SCAI: variants seen among roughly 807,000 people sequenced by gnomAD.
The protein encoded by SCAI is protein SCAI.
In SCAI, 24 loss-of-function variants were observed where a neutral mutation model predicts 92.2. The observed-to-expected ratio is 0.26, with a 90% CI of 0.19 to 0.37. The LOEUF is 0.37. Ranked by LOEUF, SCAI falls within the 10% of genes least tolerant of loss-of-function variation. The pLI, the probability that SCAI is intolerant of heterozygous loss-of-function variation, is 1.00. For missense variants in SCAI, 450 were observed against 736.2 expected (o/e 0.61, Z 4.50); for synonymous variants, 261 against 258.6 (o/e 1.01, Z -0.09).
intron 2 of SCAI, among the ~76,000 whole-genome samples, chr9:125,125,785 C>T (rs1293705527): frequency 1.3e-5 from 2 of 148,376 alleles, no homozygotes; most frequent in African/African-American, 5.0e-5. Flanking sequence ...GAGCCAAGAT[C>T]ACGCCACTAC....
chr9:125,042,187 C>G (rs1236726174), intron 3 of SCAI, among the ~76,000 whole-genome samples: 5 of 152,136 alleles, frequency 3.3e-5, no homozygotes, highest in Non-Finnish European at 5.9e-5. Flanking sequence ...TAATCATATT[C>G]TTTTTTCCAA....
chr9:125,061,934 A>C (rs1833775639), intron 2 of SCAI, among the ~76,000 whole-genome samples: 1 of 152,166 alleles, frequency 6.6e-6, no homozygotes, highest in African/African-American at 2.4e-5. Flanking sequence ...TGCATGGGTA[A>C]ATATAAGCAA....
At chr9:125,141,381 G>A (rs1835662500) in intron 2 of SCAI, among the ~76,000 whole-genome samples, 1 of 152,166 alleles carries the variant, frequency 6.6e-6, no homozygotes, top group South Asian at 2.1e-4. Flanking sequence ...AGTCCTACTG[G>A]TCACATAACT....
rs527454917 is a variant in SCAI, at chr9:124,976,528, T to C, written c.1327-342A>G. 2.6e-5 allele frequency among the ~76,000 whole-genome samples: 4 copies of C among 152,322 alleles called. 1 individual carries two copies. The highest frequency in any genetic ancestry group is 9.6e-5 in the African/African-American group (4 of 41,584). On this transcript the variant is annotated intron_variant, in intron 14 of 17. Transcript: ENST00000336505. ...CACACTTATATATATAAAGGTGAACTTTCCAAGATCCAGGATCTGGCTTTC... is the reference window on the plus strand; with the variant it reads ...CACACTTATATATATAAAGGTGAACCTTCCAAGATCCAGGATCTGGCTTTC...
At chr9:125,031,419 G>A (rs769699632) in intron 3 of SCAI, among the ~76,000 whole-genome samples, 6 of 151,882 alleles carry the variant, frequency 4.0e-5, no homozygotes, top group East Asian at 1.9e-4. Flanking sequence ...CTGCCACCAC[G>A]CCCGGCTAAT....
chr9:125,073,317 G>A (rs1266706596), intron 2 of SCAI, among the ~76,000 whole-genome samples: 1 of 150,960 alleles, frequency 6.6e-6, no homozygotes, highest in African/African-American at 2.4e-5. Context: ...TGTTAGCCAG[G>A]ATGGTCTCGA....
chr9:125,123,559 G>A (rs1164516914), intron 2 of SCAI, among the ~76,000 whole-genome samples: 2 of 152,148 alleles, frequency 1.3e-5, no homozygotes, highest in East Asian at 1.9e-4. Context: ...GGTGGATCAC[G>A]AGGTCAGGAG....
intron 2 of SCAI, among the ~76,000 whole-genome samples, chr9:125,068,932 T>C (rs1833921275): frequency 6.6e-6 from 1 of 151,200 alleles, no homozygotes. Flanking sequence ...AACAAAAAAT[T>C]TGACCAGGCG....
At chr9:125,120,521 C>T (rs919076949) in intron 2 of SCAI, among the ~76,000 whole-genome samples, 3 of 152,078 alleles carry the variant, frequency 2.0e-5, no homozygotes, top group African/African-American at 2.4e-5. Context: ...GGAGAAATCC[C>T]GTCTCTACTA....
chr9:125,074,709 T>G (rs1018056661), intron 2 of SCAI, among the ~76,000 whole-genome samples: 1 of 151,466 alleles, frequency 6.6e-6, no homozygotes, highest in Non-Finnish European at 1.5e-5. Context: ...CTTATATTAT[T>G]AATATAAAAA....
In SCAI at chr9:124,952,640, C is replaced by T; in HGVS notation, c.*167G>A. 1 of 532,534 alleles carries T rather than the reference C, an allele frequency of 1.9e-6. No individual in the cohort carries two copies. The highest frequency in any genetic ancestry group is 3.2e-6 in the Non-Finnish European group (1 of 314,088). 33.0% of individuals were successfully genotyped at this position (532,534 alleles called of 1,614,324 possible). ...AGACCTGAAAGGTTGCATTTTAAAA[C>T]AGTTACCCTAAAAGTGTGAACATTT... On this transcript the variant is annotated 3_prime_UTR_variant, in exon 18 of 18. Coordinates refer to ENST00000336505, the MANE Select transcript of SCAI (RefSeq NM_001144877.3).
chr9:125,120,555 T>C (rs539841791), intron 2 of SCAI, among the ~76,000 whole-genome samples: 1 of 152,106 alleles, frequency 6.6e-6, no homozygotes, highest in African/African-American at 2.4e-5. Context: ...TAGCCAGACA[T>C]GGTGGCAGGC....
At chr9:125,100,644 G>A (rs1046516283) in intron 2 of SCAI, among the ~76,000 whole-genome samples, 7 of 152,102 alleles carry the variant, frequency 4.6e-5, no homozygotes, top group African/African-American at 1.7e-4. Flanking sequence ...CCTCTAGTAG[G>A]GGGAGACAGT....
At chr9:124,963,283 C>T (rs911855190) in intron 17 of SCAI, among the ~76,000 whole-genome samples, 15 of 150,084 alleles carry the variant, frequency 1.0e-4, no homozygotes, top group African/African-American at 3.4e-4. Context: ...ATTACAGGTG[C>T]TCACACCATG....
chr9:125,050,194 A>G (rs1030636242), intron 3 of SCAI, among the ~76,000 whole-genome samples: 3 of 152,142 alleles, frequency 2.0e-5, no homozygotes, highest in Non-Finnish European at 2.9e-5. Context: ...CCAAATGCCA[A>G]TGCTGGTCCA....
At chr9:125,109,336 A>T (rs1055703003) in intron 2 of SCAI, among the ~76,000 whole-genome samples, 1 of 152,012 alleles carries the variant, frequency 6.6e-6, no homozygotes, top group Non-Finnish European at 1.5e-5. Flanking sequence ...TCTGCGAGAA[A>T]CACCCAAGAA....
At position 125,053,168 on chromosome 9, in the gene SCAI, T is replaced by A. The variant is rs144359722; in HGVS notation, c.230+2708A>T. ...TGGCCAACATAGTGAAACCTGTCTC[T>A]ACCAAAAATACAAAAATTACTTGGG... On this transcript the variant is annotated intron_variant, in intron 3 of 17. Coordinates refer to ENST00000336505, the MANE Select transcript of SCAI (RefSeq NM_001144877.3). Among the ~76,000 whole-genome samples the A allele has an allele frequency of 3.1e-3, 471 of 152,216 alleles. 4 individuals carry two copies. The highest frequency in any genetic ancestry group is 0.011 in the African/African-American group (437 of 41,540).
chr9:125,113,742 C>T (rs1834978311), intron 2 of SCAI, among the ~76,000 whole-genome samples: 1 of 147,622 alleles, frequency 6.8e-6, no homozygotes, highest in Non-Finnish European at 1.5e-5. Context: ...GCGGGCTGAT[C>T]ACCTGAGGTC....
intron 2 of SCAI, among the ~76,000 whole-genome samples, chr9:125,078,755 C>G (rs1283655345): frequency 6.6e-6 from 1 of 151,974 alleles, no homozygotes; most frequent in East Asian, 1.9e-4. Context: ...TATAAAAAAT[C>G]TAAAAATTAG....
Sources: gnomAD v4.1 joint callset for allele counts (sites outside exome capture counted in the v4.1 genomes callset) on GRCh38, gnomAD v4.1.1 for gene constraint, MANE v1.5 for transcripts, NCBI Gene and HGNC (gene_info 2026-07-23, HGNC 2026-07-21) for gene names.